The following STIM2 variants were observed in gnomAD, a reference collection of about 807,000 sequenced individuals.
STIM2 encodes the protein stromal interaction molecule 2.
A neutral mutation model predicts 85.8 loss-of-function variants in STIM2; 31 were observed. That is an observed-to-expected ratio of 0.36 (90% confidence interval 0.27 to 0.49). The LOEUF (loss-of-function observed/expected upper bound fraction) is 0.49. STIM2 is among the 20% of genes least tolerant of loss of function. The probability of loss-of-function intolerance (pLI) is 0.98; values close to 1 mark genes in which losing one functional copy is unlikely to be tolerated. For missense variants in STIM2, 841 were observed against 927.6 expected (o/e 0.91, Z 1.21); for synonymous variants, 356 against 331.1 (o/e 1.08, Z -0.82).
At chr4:26,868,877 A>G (rs141869191) in intron 1 of STIM2, among the ~76,000 whole-genome samples, 25 of 152,332 alleles carry the variant, frequency 1.6e-4, no homozygotes, top group Non-Finnish European at 3.1e-4. Context: ...TTCAGACTGT[A>G]TTAATCCTCG....
In STIM2 at chr4:26,861,171, C is replaced by T; in HGVS notation, c.-48C>T. The T allele has an allele frequency of 7.1e-7, 1 of 1,402,200 alleles. No individual in the cohort carries two copies. The highest frequency in any genetic ancestry group is 2.5e-5 in the Admixed American group (1 of 39,808). 86.9% of individuals were successfully genotyped at this position (1,402,200 alleles called of 1,614,324 possible). A position where few individuals can be genotyped will look rare whatever the true frequency, so the allele number is the denominator to read the frequency against. On this transcript the variant is annotated 5_prime_UTR_variant, in exon 1 of 12. Coordinates refer to ENST00000467087, the MANE Select transcript of STIM2 (RefSeq NM_020860.4). ...TCGGCGCCTTCATCCCGCCTCGACT[C>T]CTGGCCCAGCGTGGGGCTGGCTGCT...
Position 26,947,752 on chromosome 4 carries a change from G to A in STIM2, c.283-9860G>A, listed in dbSNP as rs182291889. On this transcript the variant is annotated intron_variant, in intron 2 of 11. Transcript: ENST00000467087. ...TTTGGCACTGCCCCACGGAAGCCAC[G>A]GCCTCTTCATTCTGTTTCTGTTGTT... Among the ~76,000 whole-genome samples the A allele has an allele frequency of 6.8e-4, 103 of 152,262 alleles. 1 individual carries two copies. The highest frequency in any genetic ancestry group is 2.2e-3 in the African/African-American group (93 of 41,538).
chr4:26,879,513 A>G (rs1033880532), intron 1 of STIM2, among the ~76,000 whole-genome samples: 3 of 152,066 alleles, frequency 2.0e-5, no homozygotes, highest in African/African-American at 7.2e-5. Flanking sequence ...ATGAATTCTG[A>G]TAGCTTTACA....
rs1231072250 is a variant in STIM2 at position 27,020,989 on chromosome 4, T to C, written c.1764-1530T>C. Reference sequence around the variant, plus strand: ...TTCATTTCTCAATCATTTCCTTTCATGGAGTGAACAGTATTCACCTTGGGC... The same window carrying C: ...TTCATTTCTCAATCATTTCCTTTCACGGAGTGAACAGTATTCACCTTGGGC... On this transcript the variant is annotated intron_variant, in intron 11 of 11. Transcript: ENST00000467087. 6 of 1,536,162 alleles carry C rather than the reference T, an allele frequency of 3.9e-6. 1 individual carries two copies. The highest frequency in any genetic ancestry group is 2.4e-5 in the South Asian group (2 of 84,000).
chr4:26,921,485 A>G (rs997930130), intron 2 of STIM2, among the ~76,000 whole-genome samples: 14 of 152,228 alleles, frequency 9.2e-5, no homozygotes, highest in African/African-American at 2.9e-4. Flanking sequence ...CCGCCACTAT[A>G]GTGTGAAGCG....
chr4:26,962,097 G>A (rs202008793), intron 3 of STIM2, among the ~76,000 whole-genome samples: 11 of 152,120 alleles, frequency 7.2e-5, no homozygotes, highest in East Asian at 3.9e-4. Flanking sequence ...AAGTGGAGGC[G>A]GCATGCTATA....
intron 10 of STIM2, 33 bp downstream of exon 10, chr4:27,009,035 C>T (rs773813900): frequency 2.5e-6 from 4 of 1,586,796 alleles, no homozygotes; most frequent in Non-Finnish European, 3.5e-6. Flanking sequence ...ATTGTTGGTA[C>T]AGGTTTTAAA....
At chr4:26,973,247 G>T (rs1036223771) in intron 3 of STIM2, among the ~76,000 whole-genome samples, 4 of 152,130 alleles carry the variant, frequency 2.6e-5, no homozygotes, top group South Asian at 2.1e-4. Context: ...TTTCAGTTCT[G>T]CTCTGATCTT....
intron 1 of STIM2, among the ~76,000 whole-genome samples, chr4:26,914,993 C>T (rs1724481596): frequency 6.6e-6 from 1 of 152,178 alleles, no homozygotes; most frequent in African/African-American, 2.4e-5. Context: ...GCTGGTGACA[C>T]TGACCCATTT....
intron 6 of STIM2, 49 bp from the exon 7 acceptor site, chr4:27,002,875 AAAT>A (rs1238469739): frequency 3.5e-6 from 5 of 1,438,022 alleles, no homozygotes; most frequent in East Asian, 2.6e-5. Flanking sequence ...TTGTAAAAAA[AAAT>A]AAAACTGGAA....
chr4:26,938,543 ATTTAGCC>A (rs1216588516), intron 2 of STIM2, among the ~76,000 whole-genome samples: 1 of 152,188 alleles, frequency 6.6e-6, no homozygotes, highest in African/African-American at 2.4e-5. Flanking sequence ...CCTATCCAGC[ATTTAGCC>A]TGCAGGAAGT....
At chr4:26,893,356 G>T (rs1723568176) in intron 1 of STIM2, among the ~76,000 whole-genome samples, 2 of 151,914 alleles carry the variant, frequency 1.3e-5, no homozygotes, top group South Asian at 4.2e-4. Flanking sequence ...TACAATTTGT[G>T]TATGTTTACC....
chr4:26,901,506 A>G (rs1002463738), intron 1 of STIM2, among the ~76,000 whole-genome samples: 1 of 152,190 alleles, frequency 6.6e-6, no homozygotes. Flanking sequence ...TTTATTACAT[A>G]TCCTCATTGC....
At chr4:26,976,652 C>G (rs540666329) in intron 3 of STIM2, among the ~76,000 whole-genome samples, 286 of 151,858 alleles carry the variant, frequency 1.9e-3, no homozygotes, top group Non-Finnish European at 3.0e-3. Flanking sequence ...ACTAAAAATA[C>G]AAAAATTAGC....
chr4:27,002,933 A>G lies in STIM2; in HGVS notation c.810A>G (p.Glu270=). 1 of 1,559,122 alleles carries G rather than the reference A, an allele frequency of 6.4e-7. No homozygotes were observed. Among genetic ancestry groups the G allele is most frequent in the South Asian group, 1.2e-5 (1 of 80,214 alleles). Residue 270 remains glutamate, a synonymous_variant, in exon 7 of 12, where the codon GAA becomes GAG. Coordinates refer to ENST00000467087, the MANE Select transcript of STIM2 (RefSeq NM_020860.4). Reference sequence around the variant, plus strand: ...ATTTTTATTGTTCTATAAGGCTTGAAAAGGCACAGGAAGAAAACAGAAATG... The same window carrying G: ...ATTTTTATTGTTCTATAAGGCTTGAGAAGGCACAGGAAGAAAACAGAAATG...
intron 1 of STIM2, among the ~76,000 whole-genome samples, chr4:26,869,361 G>A (rs1722523840): frequency 2.0e-5 from 3 of 151,612 alleles, no homozygotes; most frequent in Admixed American, 6.6e-5. Flanking sequence ...TGTTACATAT[G>A]GGTCCTAAAA....
intron 2 of STIM2, among the ~76,000 whole-genome samples, chr4:26,928,290 C>T (rs1236122598): frequency 1.3e-5 from 2 of 152,126 alleles, no homozygotes; most frequent in Non-Finnish European, 2.9e-5. Flanking sequence ...ACATTCAAAT[C>T]ATAGCACACC....
At chr4:26,889,369 G>C (rs1311193992) in intron 1 of STIM2, among the ~76,000 whole-genome samples, 4 of 152,128 alleles carry the variant, frequency 2.6e-5, no homozygotes, top group Non-Finnish European at 5.9e-5. Context: ...TATTAGTATG[G>C]GTCCACTGTT....
intron 1 of STIM2, among the ~76,000 whole-genome samples, chr4:26,898,006 G>A (rs1254864732): frequency 6.6e-6 from 1 of 152,166 alleles, no homozygotes. Context: ...GGCTAAAGCT[G>A]TCTGCCCACC....
Sources: allele counts gnomAD v4.1 joint callset (sites outside exome capture counted in the v4.1 genomes callset), GRCh38; gene constraint gnomAD v4.1.1; transcripts MANE v1.5; gene names NCBI Gene and HGNC (gene_info 2026-07-23, HGNC 2026-07-21).